Variants in PCDH20 observed in about 807,000 individuals in gnomAD.
The protein encoded by PCDH20 is protocadherin-20.
In PCDH20, 18 loss-of-function variants were observed where a neutral mutation model predicts 39.7. That is an observed-to-expected ratio of 0.45 (90% CI 0.31 to 0.67). The LOEUF is 0.67. Among genes scored for constraint, PCDH20 ranks in the 30% least tolerant of loss-of-function variants. The probability of loss-of-function intolerance (pLI) is 0.05; values close to 1 mark genes in which losing one functional copy is unlikely to be tolerated. For missense variants in PCDH20, 1,161 were observed against 1,167.4 expected (o/e 0.99, Z 0.08); for synonymous variants, 495 against 455.4 (o/e 1.09, Z -1.11).
exon 2 of PCDH20, chr13:61,412,407 G>A (rs763403707): frequency 1.7e-5 from 27 of 1,614,022 alleles, no homozygotes; most frequent in East Asian, 2.2e-5. Flanking sequence ...CTCTCTCCTC[G>A]CTGTCGGCAT....
exon 2 of PCDH20, chr13:61,413,728 C>T (rs1339042958): frequency 1.2e-6 from 2 of 1,613,854 alleles, no homozygotes; most frequent in Admixed American, 1.7e-5. Flanking sequence ...ACTCAGTCCC[C>T]GGGAGGCCAG....
rs371809903 is a variant in PCDH20 at position 61,412,479 on chromosome 13, T to C, written c.1620A>G (p.Ile540Met). 1 of 1,614,236 alleles carries C rather than the reference T, an allele frequency of 6.2e-7. No homozygotes were observed. Among genetic ancestry groups the C allele is most frequent in the Non-Finnish European group, 8.5e-7 (1 of 1,180,042 alleles). ...AGTTGTTCTCTTCGATGGTTAGTTC[T>C]ATTAAGGGTTGAAGGAAAATTGGAG... is the stretch of plus-strand genomic sequence containing the variant. Residue 540 changes from isoleucine to methionine, a missense_variant, in exon 2 of 2, where the codon ATA becomes ATG. By Grantham distance (10) the Ile-to-Met change is conservative. Transcript: ENST00000409204.
exon 2 of PCDH20, chr13:61,411,670 A>G: frequency 6.2e-7 from 1 of 1,614,198 alleles, no homozygotes; most frequent in Non-Finnish European, 8.5e-7. Flanking sequence ...TGTCTGCAGC[A>G]ATGCCTCTTC....
chr13:61,414,329 C>A (rs1871489262), intron 1 of PCDH20, among the ~76,000 whole-genome samples: 1 of 151,942 alleles, frequency 6.6e-6, no homozygotes, highest in Admixed American at 6.6e-5. Flanking sequence ...GACACGGAAA[C>A]CCAGGGTAGG....
At chr13:61,411,883 G>A in exon 2 of PCDH20, 1 of 1,614,118 alleles carries the variant, frequency 6.2e-7, no homozygotes, top group Non-Finnish European at 8.5e-7. Context: ...AACAAGAGGA[G>A]GGTTGTCATT....
exon 2 of PCDH20, chr13:61,412,320 A>C (rs1878263089): frequency 6.2e-7 from 1 of 1,613,972 alleles, no homozygotes; most frequent in African/African-American, 1.3e-5. Context: ...GCTGAGTAGA[A>C]ACTGTCAGAA....
At chr13:61,411,061 T>G (rs1878234775) in exon 2 of PCDH20, 1 of 538,054 alleles carries the variant, frequency 1.9e-6, no homozygotes, top group Non-Finnish European at 3.3e-6. Flanking sequence ...CACTTAAAAA[T>G]GCTGTACACA....
At chr13:61,414,918 CCGTGAAGTTTAGATAAAGGTAGAAGGTT>C (rs756549683) in intron 1 of PCDH20, 81 bp downstream of exon 1, 117 of 1,241,466 alleles carry the variant, frequency 9.4e-5, no homozygotes, top group Non-Finnish European at 1.1e-4. Flanking sequence ...GCCATCCTTC[CCGTGAAGTTTAGATAAAGGTAGAAGGTT>C]TGAAAAACCA....
chr13:61,413,864 C>T, exon 2 of PCDH20: 1 of 1,613,458 alleles, frequency 6.2e-7, no homozygotes, highest in Non-Finnish European at 8.5e-7. Flanking sequence ...ATGAGCACCC[C>T]CGCGGGTAGT....
exon 2 of PCDH20, chr13:61,412,641 T>C: frequency 1.2e-6 from 2 of 1,614,106 alleles, no homozygotes; most frequent in South Asian, 1.1e-5. Flanking sequence ...CTAGTAAATA[T>C]TCATTATTGT....
chr13:61,413,040 A>T (rs767269026), exon 2 of PCDH20: 1 of 1,614,146 alleles, frequency 6.2e-7, no homozygotes, highest in Non-Finnish European at 8.5e-7. Context: ...AAGTAATTTG[A>T]GCATTGGTCC....
chr13:61,409,980 T>C (rs1878212643), exon 2 of PCDH20: 1 of 152,128 alleles, frequency 6.6e-6, no homozygotes, highest in African/African-American at 2.4e-5. Context: ...ATACAGATTA[T>C]TTTGCTATAG....
upstream of PCDH20, chr13:61,415,556 GA>G (rs1871531826): frequency 6.4e-6 from 1 of 155,940 alleles, no homozygotes; most frequent in Non-Finnish European, 1.4e-5. Context: ...GGATGTAACA[GA>G]GAGAGGAAGT....
exon 1 of PCDH20, chr13:61,415,157 ATTCC>A (rs1389829661): frequency 7.0e-7 from 1 of 1,435,088 alleles, no homozygotes; most frequent in Non-Finnish European, 9.3e-7. Flanking sequence ...TCGGCCGCGC[ATTCC>A]CTGGGAGGCT....
exon 2 of PCDH20, chr13:61,412,290 T>G (rs1280327566): frequency 6.2e-7 from 1 of 1,614,148 alleles, no homozygotes; most frequent in East Asian, 2.2e-5. Context: ...ATCTGTACTT[T>G]TCTTTCTCTT....
exon 2 of PCDH20, chr13:61,412,542 C>A (rs1878268737): frequency 1.2e-6 from 2 of 1,613,868 alleles, no homozygotes; most frequent in East Asian, 4.5e-5. Context: ...CTTTAATGAC[C>A]CTTTTGACAT....
At chr13:61,411,477 T>C in exon 2 of PCDH20, 3 of 1,614,156 alleles carry the variant, frequency 1.9e-6, no homozygotes, top group Non-Finnish European at 2.5e-6. Context: ...GAGTCGGTTC[T>C]ATTGAGATTT....
chr13:61,410,206 A>G (rs1878218228), exon 2 of PCDH20: 1 of 152,114 alleles, frequency 6.6e-6, no homozygotes, highest in South Asian at 2.1e-4. Context: ...CAAAAAGATA[A>G]GTACAGTATA....
At chr13:61,411,469 G>A in exon 2 of PCDH20, 1 of 1,614,068 alleles carries the variant, frequency 6.2e-7, no homozygotes, top group Non-Finnish European at 8.5e-7. Flanking sequence ...CTTCCTATGA[G>A]TCGGTTCTAT....
Sources: gnomAD v4.1 joint callset for allele counts (sites outside exome capture counted in the v4.1 genomes callset) on GRCh38, gnomAD v4.1.1 for gene constraint, MANE v1.5 for transcripts, NCBI Gene and HGNC (gene_info 2026-07-23, HGNC 2026-07-21) for gene names.